Variants in GTF2A1L observed in about 807,000 individuals in gnomAD.
GTF2A1L encodes the protein general transcription factor IIA subunit 1 like.
In GTF2A1L, 48 loss-of-function variants were observed where a neutral mutation model predicts 49.7. The ratio of observed to expected loss-of-function variants is 0.97; its 90% confidence interval spans 0.77 to 1.23. The LOEUF (loss-of-function observed/expected upper bound fraction) is 1.23, where lower values mean the gene tolerates loss of function less well. Ranked by LOEUF, GTF2A1L falls within the 50% of genes most tolerant of loss-of-function variation. GTF2A1L has a pLI of 0.00. For missense variants in GTF2A1L, 736 were observed against 564.8 expected (o/e 1.30, Z -3.07); for synonymous variants, 246 against 193.5 (o/e 1.27, Z -2.25).
intron 6 of GTF2A1L, among the ~76,000 whole-genome samples, chr2:48,660,709 T>C (rs1313795910): frequency 6.6e-6 from 1 of 152,076 alleles, no homozygotes; most frequent in Admixed American, 6.6e-5. Flanking sequence ...TGTGTGATCT[T>C]GGCTCACTGC....
Position 48,669,844 on chromosome 2 carries a change from A to C in GTF2A1L, c.1101A>C (p.Ala367=), listed in dbSNP as rs1572774501. 1.9e-6 allele frequency: 3 copies of C among 1,614,088 alleles called. No homozygotes were observed. The highest frequency in any genetic ancestry group is 1.7e-6 in the Non-Finnish European group (2 of 1,179,992). ...AAGAAATAGGAAGTACAAGAGATGC[A>C]GATGAGAATGAATTTCTAGGGAATA... ...SNEEIGSTRD[A]DENEFLGNID... The change falls in exon 7 of 9, where the codon GCA becomes GCC. Residue 367 remains alanine, a synonymous_variant. Transcript: ENST00000403751.
In GTF2A1L at chr2:48,647,119, G is replaced by A. The variant is rs917281207; in HGVS notation, c.978+77G>A. ...AACTGGATATCCTGAATATTTTCAA[G>A]CTGTAATGTTAATCAGAATTATATA... is the stretch of plus-strand genomic sequence containing the variant. On this transcript the variant is annotated intron_variant, in intron 6 of 8. Transcript: ENST00000403751. 4.9e-6 allele frequency: 6 copies of A among 1,222,836 alleles called. No individual in the cohort carries two copies. In the Admixed American group the frequency reaches 9.4e-5, roughly 19 times the overall value. 75.7% of individuals were successfully genotyped at this position (1,222,836 alleles called of 1,614,324 possible). A position where few individuals can be genotyped will look rare whatever the true frequency, so the allele number is the denominator to read the frequency against.
chr2:48,627,076 G>A (rs556082784), intron 3 of GTF2A1L, among the ~76,000 whole-genome samples: 3 of 142,930 alleles, frequency 2.1e-5, no homozygotes, highest in African/African-American at 7.4e-5. Flanking sequence ...TGTGTTGGGA[G>A]GTTTTTAATT....
chr2:48,621,273 CA>C lies in GTF2A1L; in HGVS notation c.231del (p.Leu78CysfsTer8), dbSNP rs1409776734. 1.5e-5 allele frequency: 25 copies of C among 1,614,002 alleles called. No homozygotes were observed. Among genetic ancestry groups the C allele is most frequent in the Non-Finnish European group, 1.9e-5 (23 of 1,180,030 alleles). On this transcript the variant is annotated frameshift_variant, in exon 3 of 9. Transcript: ENST00000403751. LOFTEE classifies it high-confidence loss of function. The part of the protein sequence containing the change: ...TLQLPHSLHQ[T>X]LQSSTASLVI... The stretch of plus-strand genomic sequence containing the variant: ...CAGTTGCCGCACAGCTTGCACCAAA[CA>C]TTGCAATCGTCAACAGGTTGGATAC...
chr2:48,639,342 C>T (rs114235723), intron 3 of GTF2A1L, among the ~76,000 whole-genome samples: 1 of 151,898 alleles, frequency 6.6e-6, no homozygotes, highest in Non-Finnish European at 1.5e-5. Context: ...GGTACTGGTA[C>T]AAACAGACCC....
At chr2:48,637,827 A>G (rs1288266333) in intron 3 of GTF2A1L, among the ~76,000 whole-genome samples, 2 of 152,148 alleles carry the variant, frequency 1.3e-5, no homozygotes, top group East Asian at 3.9e-4. Context: ...AGAAACCATC[A>G]GTCTAGCTGC....
intron 3 of GTF2A1L, among the ~76,000 whole-genome samples, chr2:48,623,782 C>A (rs899010119): frequency 6.6e-6 from 1 of 152,010 alleles, no homozygotes; most frequent in Non-Finnish European, 1.5e-5. Flanking sequence ...GTTGCTGGGG[C>A]CATTATCCTA....
intron 3 of GTF2A1L, among the ~76,000 whole-genome samples, 195 bp downstream of exon 3, chr2:48,621,485 GT>G (rs1675998160): frequency 6.6e-6 from 1 of 152,258 alleles, no homozygotes; most frequent in Middle Eastern, 3.4e-3. Context: ...ATTCGAACTA[GT>G]TTTTATTTTA....
chr2:48,638,922 A>G (rs919507083), intron 3 of GTF2A1L, among the ~76,000 whole-genome samples: 3 of 152,094 alleles, frequency 2.0e-5, no homozygotes, highest in African/African-American at 7.2e-5. Context: ...ATTCCTATAC[A>G]CCAACAATAG....
At chr2:48,635,498 C>T (rs79121606) in intron 3 of GTF2A1L, among the ~76,000 whole-genome samples, 5,893 of 152,058 alleles carry the variant, frequency 0.039, 141 homozygotes, top group Non-Finnish European at 0.058. Flanking sequence ...GCAGGGGCAC[C>T]AAGTGATGGC....
intron 1 of GTF2A1L, 95 bp downstream of exon 1, chr2:48,617,990 T>C: frequency 8.0e-7 from 1 of 1,256,816 alleles, no homozygotes; most frequent in South Asian, 1.4e-5. Flanking sequence ...CCCTGACACT[T>C]TACAGATTGT....
chr2:48,621,075 T>C, intron 2 of GTF2A1L, 92 bp from the exon 3 acceptor site: 1 of 1,518,238 alleles, frequency 6.6e-7, no homozygotes, highest in Non-Finnish European at 8.8e-7. Context: ...GCCATCAGGA[T>C]GACGTTAGTT....
At chr2:48,674,569 G>A (rs1419925686) in intron 8 of GTF2A1L, among the ~76,000 whole-genome samples, 1 of 152,028 alleles carries the variant, frequency 6.6e-6, no homozygotes, top group Non-Finnish European at 1.5e-5. Context: ...GATAGAAAAG[G>A]AACAGTTCTT....
intron 3 of GTF2A1L, among the ~76,000 whole-genome samples, chr2:48,635,477 C>T (rs951448692): frequency 2.0e-5 from 3 of 151,952 alleles, no homozygotes; most frequent in Admixed American, 2.0e-4. Context: ...CACCTCGATC[C>T]CAGGGGAACA....
intron 6 of GTF2A1L, chr2:48,668,485 C>A (rs1678972112): frequency 1.3e-5 from 2 of 152,142 alleles, no homozygotes; most frequent in African/African-American, 4.8e-5. Flanking sequence ...TTTGTCCTGT[C>A]TATGACAAAC....
chr2:48,654,177 GA>G (rs1194426609), intron 6 of GTF2A1L, among the ~76,000 whole-genome samples: 2 of 152,110 alleles, frequency 1.3e-5, no homozygotes, highest in African/African-American at 4.8e-5. Flanking sequence ...TTGGTAAGGA[GA>G]AGTTTTTAAT....
At chr2:48,618,007 C>A in intron 1 of GTF2A1L, 112 bp downstream of exon 1, 1 of 1,112,484 alleles carries the variant, frequency 9.0e-7, no homozygotes, top group Non-Finnish European at 1.3e-6. Flanking sequence ...TTGTCATAAA[C>A]CCTCTCTCTT....
At position 48,669,801 on chromosome 2, in the gene GTF2A1L, G is replaced by A. The variant is rs965506187; in HGVS notation, c.1058G>A (p.Gly353Asp). ...GAAATAATTCAAGTAGATGGAAGCG[G>A]TGATACATCTTCCAATGAAGAAATA... ...IGEIIQVDGS[G>D]DTSSNEEIGS... is the part of the protein sequence containing the mutation. The change falls in exon 7 of 9, where the codon GGT (glycine) becomes GAT (aspartate). Residue 353 changes from glycine to aspartate, a missense_variant. Gly to Asp is a moderately conservative substitution (Grantham distance 94). Coordinates refer to ENST00000403751, the MANE Select transcript of GTF2A1L (RefSeq NM_006872.5). 1 of 1,614,060 alleles carries A rather than the reference G, an allele frequency of 6.2e-7. No homozygotes were observed. Among genetic ancestry groups the A allele is most frequent in the African/African-American group, 1.3e-5 (1 of 75,040 alleles).
In GTF2A1L at chr2:48,646,151, G is replaced by A. The variant is rs1163268656; in HGVS notation, c.389-302G>A. 2.6e-5 allele frequency among the ~76,000 whole-genome samples: 4 copies of A among 152,094 alleles called. 1 individual carries two copies. The South Asian group carries it at 8.3e-4, about 32-fold the overall frequency. On this transcript the variant is annotated intron_variant, in intron 5 of 8. Transcript: ENST00000403751. Reference sequence around the variant, plus strand: ...ATTAATTTATCAAACAATGGAAGAGGTTCATGGATTAAATATTGGTGTCCT... The same window carrying A: ...ATTAATTTATCAAACAATGGAAGAGATTCATGGATTAAATATTGGTGTCCT...
Sources: gnomAD v4.1 joint callset for allele counts (sites outside exome capture counted in the v4.1 genomes callset) on GRCh38, gnomAD v4.1.1 for gene constraint, MANE v1.5 for transcripts, NCBI Gene and HGNC (gene_info 2026-07-23, HGNC 2026-07-21) for gene names.